WDR41: variants seen among roughly 807,000 people sequenced by gnomAD.
The protein encoded by WDR41 is WD repeat-containing protein 41.
WDR41 carries 63 observed loss-of-function variants against 69.3 expected under a neutral mutation model. The observed-to-expected ratio is 0.91, with a 90% CI of 0.74 to 1.12. WDR41 has a LOEUF of 1.12. Among genes scored for constraint, WDR41 ranks in the 50% most tolerant of loss-of-function variants. The probability of loss-of-function intolerance (pLI) is 0.00; values close to 1 mark genes in which losing one functional copy is unlikely to be tolerated. For missense variants in WDR41, 543 were observed against 534.5 expected (o/e 1.02, Z -0.16); for synonymous variants, 185 against 192.1 (o/e 0.96, Z 0.31).
chr5:77,499,606 T>C, intron 1 of WDR41: 1 of 152,080 alleles, frequency 6.6e-6, no homozygotes, highest in East Asian at 1.9e-4. Flanking sequence ...TTTCTACCCT[T>C]CCACTAACTG....
At chr5:77,571,882 G>C (rs1359490657) in intron 1 of WDR41, among the ~76,000 whole-genome samples, 2 of 152,170 alleles carry the variant, frequency 1.3e-5, no homozygotes, top group Non-Finnish European at 2.9e-5. Context: ...CAATTCTCAG[G>C]GAAAGGGGGA....
intron 1 of WDR41, among the ~76,000 whole-genome samples, chr5:77,581,733 A>G (rs1743943722): frequency 6.6e-6 from 1 of 152,210 alleles, no homozygotes; most frequent in Non-Finnish European, 1.5e-5. Context: ...GAAATAAAAC[A>G]TACTCCTAAA....
intron 1 of WDR41, chr5:77,582,319 C>T: frequency 6.7e-7 from 1 of 1,502,148 alleles, no homozygotes; most frequent in Non-Finnish European, 9.2e-7. Flanking sequence ...AGATATATAA[C>T]AAGTTAACAA....
At chr5:77,600,795 G>A (rs182319357) in intron 1 of WDR41, among the ~76,000 whole-genome samples, 151 of 152,116 alleles carry the variant, frequency 9.9e-4, no homozygotes, top group Non-Finnish European at 1.4e-3. Context: ...CAGGAGGATC[G>A]CTTGAACTTG....
intron 1 of WDR41, among the ~76,000 whole-genome samples, chr5:77,565,276 AC>A (rs1329060327): frequency 1.3e-5 from 2 of 152,198 alleles, no homozygotes; most frequent in Non-Finnish European, 1.5e-5. Flanking sequence ...GCATTTAAAT[AC>A]CAATTTTATC....
At chr5:77,567,663 T>TAAAAAAAAAAAA (rs60723638) in intron 1 of WDR41, among the ~76,000 whole-genome samples, 1 of 106,390 alleles carries the variant, frequency 9.4e-6, no homozygotes, top group Admixed American at 9.7e-5. Flanking sequence ...AACCAAATAG[T>TAAAAAAAAAAAA]AAAAAAAAAA....
intron 1 of WDR41, among the ~76,000 whole-genome samples, chr5:77,599,834 T>C (rs1744292202): frequency 6.6e-6 from 1 of 152,166 alleles, no homozygotes; most frequent in Non-Finnish European, 1.5e-5. Context: ...GCAAGATATG[T>C]TAAAGCCACA....
At chr5:77,449,042 C>G (rs1799517072) in intron 8 of WDR41, among the ~76,000 whole-genome samples, 1 of 152,112 alleles carries the variant, frequency 6.6e-6, no homozygotes. Context: ...CACCAAAAGC[C>G]CTCTCATGTG....
rs1800562335 is a variant in WDR41 at position 77,470,859 on chromosome 5, G to A, written c.168-6050C>T. Among the ~76,000 whole-genome samples, 4 of 103,624 alleles carry A rather than the reference G, an allele frequency of 3.9e-5. No individual in the cohort carries two copies. The Admixed American group carries it at 4.1e-4, about 11-fold the overall frequency. The allele number at this position is 103,624 out of a possible 152,430, so 68.0% of individuals were successfully genotyped here. A position where few individuals can be genotyped will look rare whatever the true frequency, so the allele number is the denominator to read the frequency against. ...CTTTAACACCCTACTGTCAACATTA[G>A]ACAGATCAACAAGACAAAGTTAACA... On this transcript the variant is annotated intron_variant, in intron 2 of 12. Transcript: ENST00000296679.
intron 1 of WDR41, among the ~76,000 whole-genome samples, chr5:77,528,329 T>C (rs1802478483): frequency 1.3e-5 from 2 of 151,628 alleles, no homozygotes; most frequent in Non-Finnish European, 3.0e-5. Context: ...TCTTAGAAAA[T>C]ACAATTTACC....
At chr5:77,542,950 A>C (rs1003230403) in intron 1 of WDR41, among the ~76,000 whole-genome samples, 2 of 152,180 alleles carry the variant, frequency 1.3e-5, no homozygotes, top group African/African-American at 4.8e-5. Flanking sequence ...TCCATGGCTG[A>C]GAGACCCACA....
chr5:77,437,535 A>G, intron 10 of WDR41, 111 bp from the exon 11 acceptor site: 1 of 931,140 alleles, frequency 1.1e-6, no homozygotes, highest in East Asian at 2.4e-5. Context: ...TTCAGCTCTT[A>G]GCAGGAACTG....
chr5:77,507,531 A>G (rs1459148680), intron 1 of WDR41, among the ~76,000 whole-genome samples: 1 of 152,216 alleles, frequency 6.6e-6, no homozygotes, highest in African/African-American at 2.4e-5. Context: ...CCTTCACATG[A>G]AACTTTCCTC....
At chr5:77,566,631 T>C (rs1336621147) in intron 1 of WDR41, among the ~76,000 whole-genome samples, 1 of 152,140 alleles carries the variant, frequency 6.6e-6, no homozygotes, top group Non-Finnish European at 1.5e-5. Flanking sequence ...GAGGGTGTGG[T>C]GCATACATAT....
At chr5:77,488,632 G>T (rs889358931) in intron 2 of WDR41, among the ~76,000 whole-genome samples, 1 of 152,110 alleles carries the variant, frequency 6.6e-6, no homozygotes, top group Non-Finnish European at 1.5e-5. Flanking sequence ...GAGGTTGGGG[G>T]ATTAGGACGG....
chr5:77,586,569 G>A (rs1160617392), intron 1 of WDR41, among the ~76,000 whole-genome samples: 1 of 152,042 alleles, frequency 6.6e-6, no homozygotes, highest in Non-Finnish European at 1.5e-5. Flanking sequence ...GCCTCTCAAA[G>A]TGCTGGGATT....
At chr5:77,464,731 T>A (rs932383128) in intron 3 of WDR41, 30 bp downstream of exon 3, 2 of 1,608,938 alleles carry the variant, frequency 1.2e-6, no homozygotes, top group Non-Finnish European at 1.7e-6. Flanking sequence ...CATATCTTTA[T>A]CACACAATCC....
At chr5:77,555,438 A>G (rs1387720504) in intron 1 of WDR41, among the ~76,000 whole-genome samples, 3 of 152,130 alleles carry the variant, frequency 2.0e-5, no homozygotes. Context: ...TCTCCCAAGA[A>G]GCTGGGACTA....
At chr5:77,551,111 C>T (rs1161046642) in intron 1 of WDR41, among the ~76,000 whole-genome samples, 2 of 152,182 alleles carry the variant, frequency 1.3e-5, no homozygotes, top group Admixed American at 6.6e-5. Flanking sequence ...GTACTAGGCT[C>T]ACTACCTGGG....
Sources: allele counts gnomAD v4.1 joint callset (sites outside exome capture counted in the v4.1 genomes callset), GRCh38; gene constraint gnomAD v4.1.1; transcripts MANE v1.5; gene names NCBI Gene and HGNC (gene_info 2026-07-23, HGNC 2026-07-21).